PDE6A: variants seen among roughly 807,000 people sequenced by gnomAD.
PDE6A encodes the protein phosphodiesterase 6A.
In PDE6A, 84 loss-of-function variants were observed where a neutral mutation model predicts 106.3. The observed-to-expected ratio is 0.79, with a 90% CI of 0.66 to 0.95. The LOEUF (loss-of-function observed/expected upper bound fraction) is 0.95, where lower values mean the gene tolerates loss of function less well. PDE6A is among the 40% of genes least tolerant of loss of function. The probability of loss-of-function intolerance (pLI) is 0.00; values close to 1 mark genes in which losing one functional copy is unlikely to be tolerated. For synonymous variants in PDE6A, 394 were observed against 386.6 expected, an observed-to-expected ratio of 1.02 and a Z score of -0.23; for missense variants, 1,052 against 1,084.9, an observed-to-expected ratio of 0.97 and a Z score of 0.43.
chr5:149,898,608 T>C (rs1752846913), intron 9 of PDE6A, 102 bp from the exon 10 acceptor site: 2 of 1,265,784 alleles, frequency 1.6e-6, no homozygotes, highest in African/African-American at 1.5e-5. Context: ...TTCTCAGCTA[T>C]AAAATGGGTT....
chr5:149,932,389 C>T (rs969044950), intron 3 of PDE6A: 25 of 1,365,192 alleles, frequency 1.8e-5, no homozygotes, highest in Non-Finnish European at 2.4e-5. Flanking sequence ...AGCCTAAGTA[C>T]ACGAGGTGCT....
intron 17 of PDE6A, among the ~76,000 whole-genome samples, chr5:149,878,302 CT>C (rs199659488): frequency 2.1e-3 from 309 of 148,560 alleles, no homozygotes; most frequent in African/African-American, 5.6e-3. Flanking sequence ...CTGCTCCTGG[CT>C]TTTTTTTTTC....
chr5:149,895,318 A>G (rs1438040641), intron 12 of PDE6A, 28 bp from the exon 13 acceptor site: 4 of 1,434,232 alleles, frequency 2.8e-6, no homozygotes, highest in Non-Finnish European at 3.9e-6. Flanking sequence ...TCAGTGAGGC[A>G]GGACACACCT....
chr5:149,910,985 T>A (rs186076978), intron 6 of PDE6A, among the ~76,000 whole-genome samples: 72 of 148,884 alleles, frequency 4.8e-4, no homozygotes, highest in Middle Eastern at 3.4e-3. Context: ...GCTCAAGTGA[T>A]CCTCCTGCCT....
chr5:149,937,592 A>T (rs768122961), intron 1 of PDE6A, among the ~76,000 whole-genome samples: 3 of 152,130 alleles, frequency 2.0e-5, no homozygotes, highest in Non-Finnish European at 4.4e-5. Flanking sequence ...TGCCCAGGGT[A>T]GTCCTGAACA....
At position 149,896,377 on chromosome 5, in the gene PDE6A, A is replaced by T. The variant is rs367831311; in HGVS notation, c.1599T>A (p.Asp533Glu). The part of the protein sequence containing the change: ...IQMYYELKVV[D>E]KFHIPQEALV... The stretch of plus-strand genomic sequence containing the variant: ...TCACCTCTTGTGGAATGTGAAATTT[A>T]TCCACCACTTTGAGCTCATAATACA... Residue 533 changes from aspartate (D) to glutamate (E), a missense_variant, in exon 12 of 22, where the codon GAT becomes GAA. Physicochemically the swap from Asp to Glu is conservative, Grantham distance 45. Around this residue, in one of 3 missense-constraint regions of PDE6A, gnomAD observed 913 missense variants for 915.2 expected, o/e 1.00. Coordinates refer to ENST00000255266, the MANE Select transcript of PDE6A (RefSeq NM_000440.3). 1 of 1,614,018 alleles carries T rather than the reference A, an allele frequency of 6.2e-7. No homozygotes were observed. Among genetic ancestry groups the T allele is most frequent in the African/African-American group, 1.3e-5 (1 of 75,064 alleles).
At chr5:149,889,274 A>T (rs1407738207) in intron 13 of PDE6A, among the ~76,000 whole-genome samples, 2 of 151,822 alleles carry the variant, frequency 1.3e-5, no homozygotes, top group East Asian at 1.9e-4. Flanking sequence ...TAGGTAATTG[A>T]CCTAGGAAAC....
chr5:149,906,188 A>G (rs534302377), intron 7 of PDE6A, among the ~76,000 whole-genome samples: 1 of 151,980 alleles, frequency 6.6e-6, no homozygotes, highest in South Asian at 2.1e-4. Flanking sequence ...AAAATTGACT[A>G]TGTGAATCTC....
At chr5:149,868,184 A>C in intron 17 of PDE6A, 26 bp from the exon 18 acceptor site, 1 of 1,608,990 alleles carries the variant, frequency 6.2e-7, no homozygotes, top group Non-Finnish European at 8.5e-7. Flanking sequence ...ACCCTCTATC[A>C]GTCCAGGGCC....
intron 10 of PDE6A, 49 bp from the exon 11 acceptor site, chr5:149,896,825 C>T (rs1418851411): frequency 1.9e-6 from 3 of 1,592,740 alleles, no homozygotes; most frequent in Admixed American, 1.7e-5. Context: ...TACAACATGC[C>T]TCCGCGTTTC....
chr5:149,886,099 T>C (rs904648187), intron 14 of PDE6A, among the ~76,000 whole-genome samples, 166 bp downstream of exon 14: 1 of 152,218 alleles, frequency 6.6e-6, no homozygotes, highest in Non-Finnish European at 1.5e-5. Context: ...TTTGTGGTGG[T>C]CATTATTCTG....
chr5:149,880,069 G>T (rs1240385222), intron 17 of PDE6A, among the ~76,000 whole-genome samples: 1 of 152,068 alleles, frequency 6.6e-6, no homozygotes, highest in Non-Finnish European at 1.5e-5. Context: ...CTTTAGTTCT[G>T]CTGGTCACCA....
chr5:149,934,826 C>T, intron 1 of PDE6A, 108 bp from the exon 2 acceptor site: 1 of 1,028,560 alleles, frequency 9.7e-7, no homozygotes, highest in Non-Finnish European at 1.5e-6. Context: ...ATCTATTCCT[C>T]TTCAACAGGG....
At chr5:149,861,037 C>G in intron 21 of PDE6A, 66 bp from the exon 22 acceptor site, 1 of 1,441,882 alleles carries the variant, frequency 6.9e-7, no homozygotes, top group African/African-American at 1.4e-5. Context: ...CCCCTTTGAC[C>G]TAATTTGGAC....
In PDE6A at chr5:149,921,742, T is replaced by C. The variant is rs769899907; in HGVS notation, c.859-33A>G. ...TGAGAAAAACAATAATTACATGTTT[T>C]GAAAAGAGATCAAGGAAAGGAGATT... is the stretch of plus-strand genomic sequence containing the variant. On this transcript the variant is annotated intron_variant, in intron 4 of 21. Coordinates refer to ENST00000255266, the MANE Select transcript of PDE6A (RefSeq NM_000440.3). 1.9e-6 allele frequency: 3 copies of C among 1,550,072 alleles called. No homozygotes were observed. The African/African-American group carries it at 4.1e-5, about 21-fold the overall frequency.
At chr5:149,907,516 CA>C (rs1240735436) in intron 6 of PDE6A, 138 bp from the exon 7 acceptor site, 2 of 700,838 alleles carry the variant, frequency 2.9e-6, no homozygotes, top group Non-Finnish European at 5.2e-6. Flanking sequence ...TGACCAAACC[CA>C]AAATGTTGGC....
chr5:149,929,286 A>G (rs1340921246), intron 4 of PDE6A, among the ~76,000 whole-genome samples: 3 of 152,242 alleles, frequency 2.0e-5, no homozygotes. Context: ...AGGAATAAAA[A>G]TGAATGAACT....
At chr5:149,911,231 T>C (rs1753375827) in intron 6 of PDE6A, among the ~76,000 whole-genome samples, 1 of 152,144 alleles carries the variant, frequency 6.6e-6, no homozygotes, top group South Asian at 2.1e-4. Flanking sequence ...GCTTTAGTCC[T>C]TACACACACA....
chr5:149,915,208 T>A (rs1753514985), intron 5 of PDE6A, among the ~76,000 whole-genome samples: 1 of 151,714 alleles, frequency 6.6e-6, no homozygotes, highest in Non-Finnish European at 1.5e-5. Flanking sequence ...CTAATTATTG[T>A]ATTTTTAGCA....
Sources: allele counts gnomAD v4.1 joint callset (sites outside exome capture counted in the v4.1 genomes callset), GRCh38; gene constraint gnomAD v4.1.1; regional missense constraint gnomAD v4.1.1; transcripts MANE v1.5; gene names NCBI Gene and HGNC (gene_info 2026-07-23, HGNC 2026-07-21).